The following STOX2 variants were observed in gnomAD, a reference collection of about 807,000 sequenced individuals.
STOX2 encodes the protein storkhead-box protein 2.
A neutral mutation model predicts 60.9 loss-of-function variants in STOX2; 28 were observed. The observed-to-expected ratio is 0.46, with a 90% confidence interval of 0.34 to 0.63. STOX2 has a LOEUF of 0.63. Among genes scored for constraint, STOX2 ranks in the 30% least tolerant of loss-of-function variants. The pLI is 0.01. For missense variants in STOX2, 1,024 were observed against 1,187.7 expected (o/e 0.86, Z 2.03); for synonymous variants, 472 against 463.9 (o/e 1.02, Z -0.22).
intron 2 of STOX2, among the ~76,000 whole-genome samples, chr4:184,004,824 G>C (rs7670793): frequency 0.27 from 41,546 of 152,056 alleles, 6,281 homozygotes; most frequent in African/African-American, 0.38. Context: ...CATCCAGAAT[G>C]ATCATTTAAA....
At chr4:183,915,924 G>A (rs538172502) in intron 1 of STOX2, among the ~76,000 whole-genome samples, 14 of 152,230 alleles carry the variant, frequency 9.2e-5, no homozygotes, top group Non-Finnish European at 2.1e-4. Context: ...TAGTTCCAGC[G>A]GCCACAGGAC....
intron 1 of STOX2, among the ~76,000 whole-genome samples, chr4:183,880,888 G>A (rs1489263262): frequency 6.6e-6 from 1 of 152,054 alleles, no homozygotes; most frequent in African/African-American, 2.4e-5. Flanking sequence ...CCTGTGTACA[G>A]ACTCTAAGGA....
In STOX2 at chr4:183,874,923, C is replaced by CAAAA. The variant is rs869044658; in HGVS notation, c.364+76895_364+76898dup. 1.3e-3 allele frequency among the ~76,000 whole-genome samples: 27 copies of CAAAA among 20,624 alleles called. 5 individuals carry two copies. The highest frequency in any genetic ancestry group is 4.5e-3 in the South Asian group (1 of 224). The allele number at this position is 20,624 out of a possible 152,430, so 13.5% of individuals were successfully genotyped here. ...CCTGGGCGATGGCGAGACTCCGCCT[C>CAAAA]AAAAAAAAAAAAAAAAAAAAAAAAA... On this transcript the variant is annotated intron_variant, in intron 1 of 2. Coordinates refer to the STOX2 transcript ENST00000513034.
intron 1 of STOX2, among the ~76,000 whole-genome samples, chr4:183,913,906 G>T (rs12508500): frequency 0.018 from 2,700 of 152,162 alleles, 62 homozygotes; most frequent in African/African-American, 0.047. Context: ...TTAATACTTC[G>T]CTTTAACTTG....
intron 1 of STOX2, among the ~76,000 whole-genome samples, chr4:183,972,712 G>T: frequency 6.6e-6 from 1 of 152,172 alleles, no homozygotes; most frequent in Admixed American, 6.6e-5. Flanking sequence ...TAAAGACTCG[G>T]ACTCTCATGA....
chr4:183,898,489 A>G (rs1237694137), intron 1 of STOX2, among the ~76,000 whole-genome samples: 2 of 152,246 alleles, frequency 1.3e-5, no homozygotes, highest in African/African-American at 4.8e-5. Context: ...GACAGTAGGA[A>G]GTAAGAATTT....
intron 1 of STOX2, 32 bp downstream of exon 1, chr4:183,906,988 C>A: frequency 1.3e-6 from 2 of 1,497,750 alleles, no homozygotes; most frequent in South Asian, 1.3e-5. Context: ...TGCCCCCGGG[C>A]CGGGGCCGCG....
chr4:183,978,006 T>C (rs943194595), intron 1 of STOX2, among the ~76,000 whole-genome samples: 4 of 152,250 alleles, frequency 2.6e-5, no homozygotes, highest in Non-Finnish European at 4.4e-5. Context: ...TAGCCCTCCA[T>C]TGGATGCATA....
chr4:184,013,166 C>T (rs1734232726), intron 3 of STOX2, among the ~76,000 whole-genome samples: 2 of 152,210 alleles, frequency 1.3e-5, no homozygotes, highest in South Asian at 4.1e-4. Context: ...GAGATAGTTG[C>T]TAAGGAGACA....
At chr4:183,864,744 T>G (rs1216784519) in intron 1 of STOX2, among the ~76,000 whole-genome samples, 3 of 152,160 alleles carry the variant, frequency 2.0e-5, no homozygotes, top group Admixed American at 2.0e-4. Flanking sequence ...ACAATCCAAA[T>G]CCAAGTAGGA....
intron 1 of STOX2, among the ~76,000 whole-genome samples, chr4:183,843,517 A>G (rs547988689): frequency 1.3e-5 from 2 of 152,340 alleles, no homozygotes; most frequent in African/African-American, 2.4e-5. Flanking sequence ...TAGATAGTGT[A>G]TGCTTTCGAC....
rs748958500 is a variant in STOX2, at chr4:183,806,105, C to T, written c.364+8050C>T. On this transcript the variant is annotated intron_variant, in intron 1 of 2. Transcript: ENST00000513034. The surrounding 1 kb of genome is among the most constrained non-coding windows in gnomAD (Gnocchi z 4.1). Reference sequence around the variant, plus strand: ...TGAGCAGATCCAGGTCTGAATTTGTCCTTATGACATTAACACTTTGGAAGC... The same window carrying T: ...TGAGCAGATCCAGGTCTGAATTTGTTCTTATGACATTAACACTTTGGAAGC... 9.9e-5 allele frequency among the ~76,000 whole-genome samples: 15 copies of T among 152,172 alleles called. No individual in the cohort carries two copies. Among genetic ancestry groups the T allele is most frequent in the Admixed American group, 6.5e-4 (10 of 15,272 alleles).
At chr4:183,972,210 C>T (rs372006126) in intron 1 of STOX2, among the ~76,000 whole-genome samples, 2 of 152,170 alleles carry the variant, frequency 1.3e-5, no homozygotes, top group East Asian at 3.9e-4. Flanking sequence ...AACTGTGGTC[C>T]TAAGAGCATG....
At chr4:183,924,801 T>G (rs145620259) in intron 1 of STOX2, among the ~76,000 whole-genome samples, 3 of 152,134 alleles carry the variant, frequency 2.0e-5, no homozygotes, top group Non-Finnish European at 4.4e-5. Context: ...TGTCTCTACC[T>G]TGAAGCAGGA....
At chr4:183,924,934 G>A (rs1282337979) in intron 1 of STOX2, among the ~76,000 whole-genome samples, 3 of 152,150 alleles carry the variant, frequency 2.0e-5, no homozygotes, top group East Asian at 1.9e-4. Context: ...TGCTGAGGCC[G>A]GATACCGTGA....
chr4:183,986,151 C>A (rs1349972388), intron 1 of STOX2, among the ~76,000 whole-genome samples: 2 of 152,008 alleles, frequency 1.3e-5, no homozygotes, highest in Non-Finnish European at 2.9e-5. Context: ...AAAACAAATA[C>A]TTGAAGAAAA....
chr4:183,959,414 C>T (rs933883899), intron 1 of STOX2, among the ~76,000 whole-genome samples: 1 of 152,288 alleles, frequency 6.6e-6, no homozygotes, highest in Non-Finnish European at 1.5e-5. Flanking sequence ...ATTTCTCATG[C>T]TTTGGTAAAC....
chr4:183,843,580 A>G (rs1317704463), intron 1 of STOX2, among the ~76,000 whole-genome samples: 1 of 152,228 alleles, frequency 6.6e-6, no homozygotes, highest in Non-Finnish European at 1.5e-5. Context: ...GCCGTGGCAC[A>G]AAAGCAGCCA....
chr4:183,978,113 T>C (rs1222110391), intron 1 of STOX2, among the ~76,000 whole-genome samples: 2 of 152,206 alleles, frequency 1.3e-5, no homozygotes, highest in Non-Finnish European at 2.9e-5. Context: ...TTAAGTCCCA[T>C]TTGTCTTTTT....
Sources: allele counts gnomAD v4.1 joint callset (sites outside exome capture counted in the v4.1 genomes callset), GRCh38; gene constraint gnomAD v4.1.1; non-coding constraint Gnocchi (gnomAD v3.1); transcripts MANE v1.5; gene names NCBI Gene and HGNC (gene_info 2026-07-23, HGNC 2026-07-21).